PRKDC: variants seen among roughly 807,000 people sequenced by gnomAD.
The protein encoded by PRKDC is DNA-dependent protein kinase catalytic subunit.
In PRKDC, 82 loss-of-function variants were observed where a neutral mutation model predicts 486.9. The ratio of observed to expected loss-of-function variants is 0.17; its 90% CI spans 0.14 to 0.20. The LOEUF (loss-of-function observed/expected upper bound fraction) is 0.20. PRKDC is among the 10% of genes least tolerant of loss of function. PRKDC has a pLI of 1.00. For synonymous variants in PRKDC, 1,895 were observed against 1,837.0 expected (o/e 1.03, Z -0.81); for missense variants, 4,504 against 5,038.2 (o/e 0.89, Z 3.21).
chr8:47,891,862 G>C (rs2089466612), intron 31 of PRKDC, among the ~76,000 whole-genome samples: 1 of 152,168 alleles, frequency 6.6e-6, no homozygotes, highest in Non-Finnish European at 1.5e-5. Flanking sequence ...ACTTATTTAT[G>C]TGAACAAGTT....
intron 70 of PRKDC, among the ~76,000 whole-genome samples, chr8:47,801,199 T>A (rs2154498241): frequency 6.6e-6 from 1 of 152,170 alleles, no homozygotes; most frequent in South Asian, 2.1e-4. Flanking sequence ...AACCTCCCAA[T>A]TAGCTGGGAC....
chr8:47,778,622 A>T lies in PRKDC; in HGVS notation c.11690T>A (p.Phe3897Tyr). The T allele has an allele frequency of 1.9e-6, 3 of 1,613,754 alleles. No homozygotes were observed. Among genetic ancestry groups the T allele is most frequent in the Non-Finnish European group, 1.7e-6 (2 of 1,179,772 alleles). Residue 3897 changes from phenylalanine (F) to tyrosine (Y), a missense_variant, in exon 83 of 86, where the codon TTC becomes TAC. By Grantham distance (22) the Phe-to-Tyr change is conservative. Transcript: ENST00000314191. ...FVRMSTSPEAFLALRSHFASS... is the reference protein window; with the variant it reads ...FVRMSTSPEAYLALRSHFASS... ...GGCGAAGTGGGAGCGGAGCGCCAGG[A>T]AAGCCTCAGGGCTTGTACTCATCCT...
In PRKDC at chr8:47,862,717, G is replaced by T. The variant is rs1193604311; in HGVS notation, c.5751-176C>A. Among the ~76,000 whole-genome samples the T allele has an allele frequency of 2.0e-5, 3 of 152,210 alleles. No homozygotes were observed. The South Asian group carries it at 6.2e-4, about 31-fold the overall frequency. On this transcript the variant is annotated intron_variant, in intron 42 of 85. Transcript: ENST00000314191. ...AAAGGAACATGTCATCCATCTCACA[G>T]CAAAGGCAGCATATATACATGGATC...
At chr8:47,805,794 TC>T (rs2087204246) in intron 69 of PRKDC, among the ~76,000 whole-genome samples, 2 of 152,236 alleles carry the variant, frequency 1.3e-5, no homozygotes, top group African/African-American at 4.8e-5. Flanking sequence ...CCGAGTTGTT[TC>T]TAGCCAGACA....
intron 40 of PRKDC, among the ~76,000 whole-genome samples, chr8:47,875,196 T>C (rs749348701): frequency 6.6e-6 from 1 of 152,276 alleles, no homozygotes; most frequent in Non-Finnish European, 1.5e-5. Flanking sequence ...CGACTTTCTA[T>C]GAATTTGCCC....
chr8:47,809,032 A>G (rs2087272110), intron 68 of PRKDC, among the ~76,000 whole-genome samples: 1 of 151,420 alleles, frequency 6.6e-6, no homozygotes, highest in African/African-American at 2.4e-5. Context: ...CGTGGAAGGA[A>G]AGAAAGAAAG....
chr8:47,957,498 G>T (rs2090724512), intron 1 of PRKDC, 67 bp from the exon 2 acceptor site: 19 of 1,258,260 alleles, frequency 1.5e-5, no homozygotes, highest in Non-Finnish European at 2.1e-5. Flanking sequence ...ACTCCTAAAG[G>T]GGTTGCAATG....
At chr8:47,830,391 CAG>C (rs1563756193) in intron 61 of PRKDC, among the ~76,000 whole-genome samples, 1 of 152,160 alleles carries the variant, frequency 6.6e-6, no homozygotes. Flanking sequence ...CTGATGATCT[CAG>C]AGTCTCCGCA....
intron 74 of PRKDC, among the ~76,000 whole-genome samples, chr8:47,793,173 C>T (rs1292353803): frequency 6.6e-6 from 1 of 152,268 alleles, no homozygotes; most frequent in African/African-American, 2.4e-5. Flanking sequence ...CACAGACCAT[C>T]ATGCCCAGCA....
intron 34 of PRKDC, among the ~76,000 whole-genome samples, chr8:47,888,210 G>T (rs2089377918): frequency 6.6e-6 from 1 of 152,210 alleles, no homozygotes; most frequent in East Asian, 1.9e-4. Context: ...TTCTTCATTT[G>T]TGTTGTCTTG....
chr8:47,907,967 C>G (rs984425023), intron 25 of PRKDC, among the ~76,000 whole-genome samples: 2 of 152,134 alleles, frequency 1.3e-5, no homozygotes, highest in African/African-American at 4.8e-5. Context: ...CACAACCAAG[C>G]TACCAGAACC....
rs778561823 is a variant in PRKDC, at chr8:47,953,710, C to A, written c.631G>T (p.Ala211Ser). ...ACAGGTAGTTTGGGCTCTCTTACTGCTGATGTCATCTAAAAGAAAAGATTT... is the reference window on the plus strand; with the variant it reads ...ACAGGTAGTTTGGGCTCTCTTACTGATGATGTCATCTAAAAGAAAAGATTT... Reference protein sequence around the residue: ...LGELKTQMTSAVREPKLPVLA... With the variant: ...LGELKTQMTSSVREPKLPVLA... The change falls in exon 7 of 86, where the codon GCA becomes TCA. Residue 211 changes from alanine to serine, a missense_variant. This residue lies in a region of PRKDC where 1,969 missense variants were observed against 2,068.9 expected (regional missense o/e 0.95). Coordinates refer to ENST00000314191, the MANE Select transcript of PRKDC (RefSeq NM_006904.7). 1.2e-5 allele frequency: 19 copies of A among 1,611,408 alleles called. No individual in the cohort carries two copies. The highest frequency in any genetic ancestry group is 1.6e-5 in the Non-Finnish European group (19 of 1,178,810).
At chr8:47,897,564 T>C (rs1013011088) in intron 29 of PRKDC, among the ~76,000 whole-genome samples, 2 of 152,254 alleles carry the variant, frequency 1.3e-5, no homozygotes, top group Non-Finnish European at 2.9e-5. Flanking sequence ...TATTTTCATG[T>C]TTCCTTTGCA....
intron 21 of PRKDC, among the ~76,000 whole-genome samples, chr8:47,921,914 G>A (rs1029790138): frequency 3.3e-5 from 5 of 152,050 alleles, no homozygotes; most frequent in Admixed American, 2.6e-4. Flanking sequence ...CCGAGTAGCC[G>A]GGATTACAGG....
At chr8:47,826,622 G>A (rs1172951340) in intron 63 of PRKDC, 34 bp downstream of exon 63, 2 of 1,576,278 alleles carry the variant, frequency 1.3e-6, no homozygotes, top group Admixed American at 3.4e-5. Context: ...GTCAAATCCA[G>A]TGTGCTCCCA....
At chr8:47,945,169 C>T in intron 7 of PRKDC, among the ~76,000 whole-genome samples, 1 of 152,194 alleles carries the variant, frequency 6.6e-6, no homozygotes, top group East Asian at 1.9e-4. Flanking sequence ...AGGCTCTGCC[C>T]TCCACAGTCC....
intron 38 of PRKDC, among the ~76,000 whole-genome samples, chr8:47,879,938 G>A (rs1341771017): frequency 2.8e-5 from 4 of 142,320 alleles, no homozygotes; most frequent in Non-Finnish European, 6.0e-5. Flanking sequence ...TCCGCCTCCC[G>A]GGTTCAAGTG....
intron 73 of PRKDC, among the ~76,000 whole-genome samples, chr8:47,796,227 C>T (rs2086983049): frequency 6.6e-6 from 1 of 151,910 alleles, no homozygotes; most frequent in African/African-American, 2.4e-5. Flanking sequence ...ATTAGACTGA[C>T]TACTTTCTAA....
rs1280925035 is a variant in PRKDC at position 47,782,764 on chromosome 8, C to T, written c.11176-166G>A. The T allele has an allele frequency of 1.1e-5, 7 of 653,746 alleles. No homozygotes were observed. The highest frequency in any genetic ancestry group is 1.8e-5 in the Non-Finnish European group (7 of 384,470). 40.5% of individuals were successfully genotyped at this position (653,746 alleles called of 1,614,324 possible). A position where few individuals can be genotyped will look rare whatever the true frequency, so the allele number is the denominator to read the frequency against. On this transcript the variant is annotated intron_variant, in intron 78 of 85. Coordinates refer to ENST00000314191, the MANE Select transcript of PRKDC (RefSeq NM_006904.7). The surrounding 1 kb of genome is among the most constrained non-coding windows in gnomAD (Gnocchi z 4.9). ...AACGAATTTCTGCTACCTGCTTGTG[C>T]CTGACTGCTGTGCCCGCAGAAATGT...
Sources: allele counts gnomAD v4.1 joint callset (sites outside exome capture counted in the v4.1 genomes callset), GRCh38; gene constraint gnomAD v4.1.1; regional missense constraint gnomAD v4.1.1; non-coding constraint Gnocchi (gnomAD v3.1); transcripts MANE v1.5; gene names NCBI Gene and HGNC (gene_info 2026-07-23, HGNC 2026-07-21).